Variants in NCKAP5 observed in about 807,000 individuals in gnomAD.
NCKAP5 encodes the protein NCK associated protein 5.
A neutral mutation model predicts 167.0 loss-of-function variants in NCKAP5; 92 were observed. The observed-to-expected ratio is 0.55, with a 90% CI of 0.47 to 0.66. The LOEUF (loss-of-function observed/expected upper bound fraction) is 0.66, where lower values mean the gene tolerates loss of function less well. NCKAP5 is among the 30% of genes least tolerant of loss of function. The probability of loss-of-function intolerance (pLI) is 0.00; values close to 1 mark genes in which losing one functional copy is unlikely to be tolerated. For missense variants in NCKAP5, 2,378 were observed against 2,315.0 expected, an observed-to-expected ratio of 1.03 and a Z score of -0.56; for synonymous variants, 891 against 877.4, an observed-to-expected ratio of 1.02 and a Z score of -0.27.
chr2:133,059,257 G>A (rs1459478224), intron 6 of NCKAP5, among the ~76,000 whole-genome samples: 7 of 152,054 alleles, frequency 4.6e-5, no homozygotes, highest in Non-Finnish European at 7.4e-5. Context: ...CCGAGATCGC[G>A]CCACTGCACT....
the NCKAP5 span, among the ~76,000 whole-genome samples, chr2:133,577,027 G>A: frequency 6.6e-6 from 1 of 152,146 alleles, no homozygotes; most frequent in Non-Finnish European, 1.5e-5. Flanking sequence ...ATTTGGACTT[G>A]GGCTGGTAAG....
At chr2:133,148,761 A>G (rs2083286479) in intron 5 of NCKAP5, among the ~76,000 whole-genome samples, 2 of 152,116 alleles carry the variant, frequency 1.3e-5, no homozygotes, top group South Asian at 2.1e-4. Flanking sequence ...GTCTCTTCTG[A>G]TAAAGTCATG....
At chr2:133,205,174 T>C (rs918268077) in intron 5 of NCKAP5, among the ~76,000 whole-genome samples, 5 of 152,052 alleles carry the variant, frequency 3.3e-5, no homozygotes, top group African/African-American at 9.7e-5. Flanking sequence ...GTGCCTTTAG[T>C]TCCAGCTACT....
In NCKAP5 at chr2:133,513,958, A is replaced by G. The variant is rs1205007898; in HGVS notation, c.69+3500T>C. Among the ~76,000 whole-genome samples the G allele has an allele frequency of 3.9e-5, 6 of 152,232 alleles. 1 individual carries two copies. The highest frequency in any genetic ancestry group is 4.1e-4 in the South Asian group (2 of 4,830). On this transcript the variant is annotated intron_variant, in intron 3 of 19. Transcript: ENST00000409261. ...ACAGCTACAAGTGTCAAACAGCTACATGGGCAGCCCGGGAATGAGTCTTGC... is the reference window on the plus strand; with the variant it reads ...ACAGCTACAAGTGTCAAACAGCTACGTGGGCAGCCCGGGAATGAGTCTTGC...
At chr2:133,216,206 A>C (rs1355294457) in intron 4 of NCKAP5, among the ~76,000 whole-genome samples, 3 of 152,062 alleles carry the variant, frequency 2.0e-5, no homozygotes, top group Non-Finnish European at 4.4e-5. Context: ...TGATACATAT[A>C]ACTCTACCAA....
chr2:133,221,778 T>C (rs2086671801), intron 4 of NCKAP5, among the ~76,000 whole-genome samples: 1 of 152,204 alleles, frequency 6.6e-6, no homozygotes, highest in Non-Finnish European at 1.5e-5. Flanking sequence ...AGCAACAAAT[T>C]ACATAGGAGA....
At chr2:132,780,984 C>A in intron 15 of NCKAP5, 68 bp downstream of exon 15, 1 of 1,478,340 alleles carries the variant, frequency 6.8e-7, no homozygotes, top group East Asian at 2.3e-5. Flanking sequence ...CATTAGCAAA[C>A]GGTAGAAAGA....
chr2:132,946,118 A>T (rs1210088148), intron 8 of NCKAP5, among the ~76,000 whole-genome samples: 1 of 152,192 alleles, frequency 6.6e-6, no homozygotes, highest in African/African-American at 2.4e-5. Context: ...GAAATGGAAG[A>T]ATTATAGATG....
intron 5 of NCKAP5, among the ~76,000 whole-genome samples, chr2:133,140,439 T>A (rs1049093836): frequency 6.6e-5 from 10 of 152,134 alleles, no homozygotes; most frequent in African/African-American, 2.4e-4. Flanking sequence ...TCTGGCTAGT[T>A]TCATTTTCAT....
intron 19 of NCKAP5, among the ~76,000 whole-genome samples, chr2:132,717,122 G>T (rs1689443938): frequency 6.6e-6 from 1 of 152,180 alleles, no homozygotes; most frequent in Non-Finnish European, 1.5e-5. Context: ...AGAGCAGCCT[G>T]CTTGTCATGG....
At chr2:132,697,961 C>A (rs1276897737) in intron 19 of NCKAP5, among the ~76,000 whole-genome samples, 1 of 152,118 alleles carries the variant, frequency 6.6e-6, no homozygotes, top group African/African-American at 2.4e-5. Context: ...TGAACAGTGG[C>A]TTCAAACTTT....
At chr2:133,197,206 T>C (rs1244492151) in intron 5 of NCKAP5, among the ~76,000 whole-genome samples, 1 of 152,212 alleles carries the variant, frequency 6.6e-6, no homozygotes, top group Non-Finnish European at 1.5e-5. Context: ...CATGAAGTAC[T>C]ATGCTTGCCT....
chr2:133,669,952 A>C, the NCKAP5 span, among the ~76,000 whole-genome samples: 9 of 152,252 alleles, frequency 5.9e-5, no homozygotes, highest in Non-Finnish European at 1.2e-4. Context: ...CACAAAGTAG[A>C]TTAATGCAAT....
intron 11 of NCKAP5, among the ~76,000 whole-genome samples, chr2:132,825,133 GA>G (rs1687034662): frequency 6.6e-6 from 1 of 152,190 alleles, no homozygotes; most frequent in African/African-American, 2.4e-5. Flanking sequence ...TCTACTTCAA[GA>G]GCAGTTAAGT....
In NCKAP5 at chr2:133,297,984, T is replaced by C. The variant is rs993193689; in HGVS notation, c.143+5053A>G. Among the ~76,000 whole-genome samples, 9 of 152,320 alleles carry C rather than the reference T, an allele frequency of 5.9e-5. No individual in the cohort carries two copies. The East Asian group carries it at 1.7e-3, about 29-fold the overall frequency. ...TGAACATGACATGCTATTCCCATGA[T>C]CCCCTGTATATCACAGATTCTATTC... On this transcript the variant is annotated intron_variant, in intron 4 of 19. Coordinates refer to ENST00000409261, the MANE Select transcript of NCKAP5 (RefSeq NM_207363.3).
At chr2:133,461,787 A>G (rs1692213362) in intron 3 of NCKAP5, among the ~76,000 whole-genome samples, 1 of 152,172 alleles carries the variant, frequency 6.6e-6, no homozygotes, top group Non-Finnish European at 1.5e-5. Context: ...CCTACATACT[A>G]CTACTACCGT....
At chr2:133,506,654 A>C (rs1479958679) in intron 3 of NCKAP5, among the ~76,000 whole-genome samples, 1 of 152,154 alleles carries the variant, frequency 6.6e-6, no homozygotes, top group African/African-American at 2.4e-5. Context: ...ATGGTTCTAT[A>C]GCCACTTTCT....
intron 16 of NCKAP5, among the ~76,000 whole-genome samples, chr2:132,762,558 C>G (rs1007052438): frequency 6.6e-6 from 1 of 152,208 alleles, no homozygotes; most frequent in South Asian, 2.1e-4. Flanking sequence ...CTTAATATGT[C>G]TCACTGTTGC....
intron 3 of NCKAP5, among the ~76,000 whole-genome samples, chr2:133,308,686 A>ATTTTTTT (rs1559371090): frequency 1.7e-5 from 2 of 118,800 alleles, no homozygotes; most frequent in African/African-American, 6.2e-5. Context: ...AAGAAATACA[A>ATTTTTTT]TTCTTTTTTT....
Sources: allele counts gnomAD v4.1 joint callset (sites outside exome capture counted in the v4.1 genomes callset), GRCh38; gene constraint gnomAD v4.1.1; transcripts MANE v1.5; gene names NCBI Gene and HGNC (gene_info 2026-07-23, HGNC 2026-07-21).